ZNF362: variants seen among roughly 807,000 people sequenced by gnomAD.
ZNF362 encodes zinc finger protein 362, also known as rotund homolog.
A neutral mutation model predicts 42.9 loss-of-function variants in ZNF362; 11 were observed. The ratio of observed to expected loss-of-function variants is 0.26; its 90% confidence interval spans 0.16 to 0.42. ZNF362 has a LOEUF of 0.42. Ranked by LOEUF, ZNF362 falls within the 20% of genes least tolerant of loss-of-function variation. The probability of loss-of-function intolerance (pLI) is 1.00; values close to 1 mark genes in which losing one functional copy is unlikely to be tolerated. For synonymous variants in ZNF362, 255 were observed against 257.3 expected, an observed-to-expected ratio of 0.99 and a Z score of 0.09; for missense variants, 362 against 576.2, an observed-to-expected ratio of 0.63 and a Z score of 3.81.
intron 8 of ZNF362, 72 bp downstream of exon 8, chr1:33,295,377 T>C: frequency 1.3e-6 from 2 of 1,545,210 alleles, no homozygotes; most frequent in African/African-American, 1.4e-5. Context: ...TGCTTCCCCA[T>C]TGTCAGATCT....
At chr1:33,146,876 C>G in the ZNF362 span, 3 of 415,002 alleles carry the variant, frequency 7.2e-6, no homozygotes, top group Non-Finnish European at 1.3e-5. Context: ...AGGTAGTCCC[C>G]TGCCCCTGAG....
chr1:33,171,128 C>T, the ZNF362 span, among the ~76,000 whole-genome samples: 1 of 152,206 alleles, frequency 6.6e-6, no homozygotes, highest in Non-Finnish European at 1.5e-5. Context: ...AAGGGACTGA[C>T]TGGCCCACGG....
At chr1:33,290,963 A>C (rs987560428) in intron 6 of ZNF362, among the ~76,000 whole-genome samples, 2 of 152,070 alleles carry the variant, frequency 1.3e-5, no homozygotes, top group African/African-American at 4.8e-5. Flanking sequence ...TCTGGATATT[A>C]GCCCTTTGTC....
At chr1:33,205,197 A>C in the ZNF362 span, among the ~76,000 whole-genome samples, 3 of 152,168 alleles carry the variant, frequency 2.0e-5, no homozygotes, top group Non-Finnish European at 4.4e-5. Context: ...AAAAATGCAG[A>C]GAATGGCTGG....
chr1:33,207,713 A>C, the ZNF362 span, among the ~76,000 whole-genome samples: 1 of 152,100 alleles, frequency 6.6e-6, no homozygotes, highest in Non-Finnish European at 1.5e-5. Context: ...GATGATGAGC[A>C]TTTTTTCATA....
chr1:33,260,300 A>C (rs1315784626), intron 1 of ZNF362, among the ~76,000 whole-genome samples: 2 of 152,074 alleles, frequency 1.3e-5, no homozygotes, highest in East Asian at 3.9e-4. Context: ...CCACCTCTCA[A>C]CCTTGGCTCC....
At chr1:33,293,589 AC>A (rs955810592) in intron 6 of ZNF362, among the ~76,000 whole-genome samples, 4 of 152,108 alleles carry the variant, frequency 2.6e-5, no homozygotes, top group Admixed American at 2.6e-4. Flanking sequence ...AGGAGTGGAC[AC>A]CCTTTTGATA....
At chr1:33,243,156 ATGTTG>A in the ZNF362 span, among the ~76,000 whole-genome samples, 98 of 135,080 alleles carry the variant, frequency 7.3e-4, no homozygotes, top group African/African-American at 3.1e-3. Context: ...ATGTTATGTT[ATGTTG>A]TTATGTTATT....
chr1:33,198,282 G>C, the ZNF362 span, among the ~76,000 whole-genome samples: 1 of 152,102 alleles, frequency 6.6e-6, no homozygotes, highest in South Asian at 2.1e-4. Flanking sequence ...TGGGAGACCA[G>C]GGTATTTGAG....
chr1:33,269,675 T>G (rs1334073719), intron 1 of ZNF362, among the ~76,000 whole-genome samples: 2 of 152,206 alleles, frequency 1.3e-5, no homozygotes, highest in Non-Finnish European at 2.9e-5. Context: ...GTGCTGAGAT[T>G]ACAGGCATGA....
the ZNF362 span, chr1:33,181,235 G>A: frequency 5.8e-6 from 9 of 1,561,094 alleles, no homozygotes; most frequent in Middle Eastern, 6.6e-4. This position sits in a 1 kb window ranked among gnomAD's most constrained non-coding sequence, Gnocchi z 6.5. Flanking sequence ...TGGCCAGCTT[G>A]AGGCTGGGCG....
chr1:33,205,061 T>A, the ZNF362 span, among the ~76,000 whole-genome samples: 5 of 152,142 alleles, frequency 3.3e-5, no homozygotes, highest in African/African-American at 1.2e-4. Flanking sequence ...GAAGACTCAA[T>A]ACTGCTAAGA....
chr1:33,226,899 T>G, the ZNF362 span, among the ~76,000 whole-genome samples: 1 of 152,090 alleles, frequency 6.6e-6, no homozygotes, highest in African/African-American at 2.4e-5. Flanking sequence ...AGACACCCAT[T>G]ATGCTAAGTG....
the ZNF362 span, among the ~76,000 whole-genome samples, chr1:33,161,615 T>C: frequency 6.6e-6 from 1 of 151,772 alleles, no homozygotes; most frequent in Non-Finnish European, 1.5e-5. This position sits in a 1 kb window ranked among gnomAD's most constrained non-coding sequence, Gnocchi z 4.3. Flanking sequence ...AGTCTGGGGA[T>C]GCACGGCCAG....
At chr1:33,201,862 T>C in the ZNF362 span, among the ~76,000 whole-genome samples, 320 of 152,240 alleles carry the variant, frequency 2.1e-3, 1 homozygote, top group Non-Finnish European at 3.8e-3. Flanking sequence ...TTGACAAATC[T>C]CTATCCAGAC....
At chr1:33,296,564 G>C (rs1646125899) in intron 8 of ZNF362, among the ~76,000 whole-genome samples, 1 of 152,178 alleles carries the variant, frequency 6.6e-6, no homozygotes, top group African/African-American at 2.4e-5. Flanking sequence ...CTGGGAAGGG[G>C]GATGAGTCCA....
chr1:33,179,556 C>T, the ZNF362 span, among the ~76,000 whole-genome samples: 1 of 152,190 alleles, frequency 6.6e-6, no homozygotes, highest in Non-Finnish European at 1.5e-5. Flanking sequence ...GAGCCAAAAA[C>T]CTTCTGCTTC....
chr1:33,223,808 G>C, the ZNF362 span, among the ~76,000 whole-genome samples: 3 of 151,344 alleles, frequency 2.0e-5, no homozygotes, highest in African/African-American at 7.3e-5. Context: ...TGGGAGAATC[G>C]CTTGAACCAG....
the ZNF362 span, among the ~76,000 whole-genome samples, chr1:33,174,866 A>G: frequency 6.6e-6 from 1 of 150,912 alleles, no homozygotes; most frequent in Non-Finnish European, 1.5e-5. Flanking sequence ...CTCTGTAGCC[A>G]TGGCACAGAT....
Sources: allele counts gnomAD v4.1 joint callset (sites outside exome capture counted in the v4.1 genomes callset), GRCh38; gene constraint gnomAD v4.1.1; non-coding constraint Gnocchi (gnomAD v3.1); transcripts MANE v1.5; gene names NCBI Gene and HGNC (gene_info 2026-07-23, HGNC 2026-07-21).